The following MYO5A variants were observed in gnomAD, a reference collection of about 807,000 sequenced individuals.
MYO5A encodes the protein myosin VA.
In MYO5A, 98 loss-of-function variants were observed where a neutral mutation model predicts 249.7. The observed-to-expected ratio is 0.39, with a 90% confidence interval of 0.33 to 0.46. The LOEUF (loss-of-function observed/expected upper bound fraction) is 0.46. MYO5A is among the 20% of genes least tolerant of loss of function. MYO5A has a pLI of 0.98. For missense variants in MYO5A, 1,696 were observed against 2,308.8 expected, an observed-to-expected ratio of 0.73 and a Z score of 5.44; for synonymous variants, 778 against 810.6, an observed-to-expected ratio of 0.96 and a Z score of 0.68.
Position 52,319,278 on chromosome 15 carries a change from T to G in MYO5A, c.5016A>C (p.Arg1672Ser). Residue 1672 changes from arginine to serine, a missense_variant, in exon 39 of 42, where the codon AGA (arginine) becomes AGC (serine). Transcript: ENST00000399233. The part of the protein sequence containing the change: ...GVSGVKPTGL[R>S]KRTSSIADEG... Reference sequence around the variant, plus strand: ...CATCGGCGATACTGGAGGTTCGCTTTCTCAACCCTGTGGGCTTCACCCCAG... The same window carrying G: ...CATCGGCGATACTGGAGGTTCGCTTGCTCAACCCTGTGGGCTTCACCCCAG... The G allele has an allele frequency of 6.2e-7, 1 of 1,614,210 alleles. No homozygotes were observed. Among genetic ancestry groups the G allele is most frequent in the East Asian group, 2.2e-5 (1 of 44,886 alleles).
In MYO5A at chr15:52,396,365, T is replaced by G. The variant is rs1467004512; in HGVS notation, c.1352A>C (p.Gln451Pro). Residue 451 changes from glutamine (Q) to proline (P), a missense_variant, in exon 11 of 42, where the codon CAG becomes CCG. Around this residue, in one of 5 missense-constraint regions of MYO5A, gnomAD observed 277 missense variants for 422.4 expected, o/e 0.66. Transcript: ENST00000399233. ...TTCATTTGCATAATTTATGCAAAACTGTTCAAAACTATTTATCTCAAATGT... is the reference window on the plus strand; with the variant it reads ...TTCATTTGCATAATTTATGCAAAACGGTTCAAAACTATTTATCTCAAATGT... ...FETFEINSFE[Q>P]FCINYANEKL... The G allele has an allele frequency of 6.4e-7, 1 of 1,570,672 alleles. No homozygotes were observed. The highest frequency in any genetic ancestry group is 8.7e-7 in the Non-Finnish European group (1 of 1,143,574).
At chr15:52,331,039 G>A (rs1249798699) in intron 34 of MYO5A, among the ~76,000 whole-genome samples, 4 of 152,186 alleles carry the variant, frequency 2.6e-5, no homozygotes, top group African/African-American at 7.2e-5. Flanking sequence ...GCTGGTAGAA[G>A]AGTGTTTCTT....
intron 4 of MYO5A, among the ~76,000 whole-genome samples, chr15:52,425,279 G>A (rs2075369487): frequency 6.6e-6 from 1 of 152,096 alleles, no homozygotes; most frequent in African/African-American, 2.4e-5. Context: ...TCTTTTCCTA[G>A]TCACAGGATC....
chr15:52,309,199 T>C lies in MYO5A; in HGVS notation c.*4497A>G, dbSNP rs953189853. 2.6e-5 allele frequency: 4 copies of C among 152,470 alleles called. No homozygotes were observed. Among genetic ancestry groups the C allele is most frequent in the East Asian group, 1.9e-4 (1 of 5,192 alleles). 9.4% of individuals were successfully genotyped at this position (152,470 alleles called of 1,614,324 possible). A position where few individuals can be genotyped will look rare whatever the true frequency, so the allele number is the denominator to read the frequency against. ...TCAGAGAGGCTTTTGCTGTTTCCTG[T>C]CTTTTTGGTTGAGACAACCTGCTAC... On this transcript the variant is annotated 3_prime_UTR_variant, in exon 42 of 42. Transcript: ENST00000399233.
intron 25 of MYO5A, 39 bp downstream of exon 25, chr15:52,359,929 C>T: frequency 7.1e-7 from 1 of 1,402,408 alleles, no homozygotes; most frequent in Non-Finnish European, 1.0e-6. Context: ...CAACAGCATG[C>T]TCATATCCTA....
chr15:52,356,800 C>CTTTTTTTTTTTTTTT (rs11316458), intron 25 of MYO5A, among the ~76,000 whole-genome samples: 1 of 105,822 alleles, frequency 9.4e-6, no homozygotes, highest in Non-Finnish European at 1.7e-5. Context: ...ATTTCTTTGA[C>CTTTTTTTTTTTTTTT]TTTTTTTTTT....
At chr15:52,315,425 T>C (rs962712275) in intron 40 of MYO5A, among the ~76,000 whole-genome samples, 1 of 152,058 alleles carries the variant, frequency 6.6e-6, no homozygotes, top group African/African-American at 2.4e-5. Context: ...ATGAAGTCTC[T>C]GTGCAGTGGC....
At chr15:52,433,398 C>T in intron 1 of MYO5A, 113 bp from the exon 2 acceptor site, 1 of 558,480 alleles carries the variant, frequency 1.8e-6, no homozygotes, top group African/African-American at 2.0e-5. Flanking sequence ...GAAATCTTGG[C>T]CAACATGAAA....
intron 1 of MYO5A, among the ~76,000 whole-genome samples, chr15:52,444,369 C>T (rs554626400): frequency 6.6e-6 from 1 of 152,116 alleles, no homozygotes; most frequent in Non-Finnish European, 1.5e-5. Flanking sequence ...GGGAAGCGAA[C>T]TATATAGGTT....
intron 29 of MYO5A, among the ~76,000 whole-genome samples, chr15:52,346,777 T>A (rs1024306592): frequency 5.3e-4 from 67 of 127,390 alleles, no homozygotes; most frequent in East Asian, 2.0e-3. Flanking sequence ...TGAAAAAAAA[T>A]ATATATATAT....
At chr15:52,481,771 T>C (rs1029768513) in intron 1 of MYO5A, among the ~76,000 whole-genome samples, 8 of 152,100 alleles carry the variant, frequency 5.3e-5, no homozygotes, top group African/African-American at 1.2e-4. Context: ...TAGCAAGAAA[T>C]GAGAGGCCAG....
intron 1 of MYO5A, among the ~76,000 whole-genome samples, chr15:52,457,666 G>A (rs1261155179): frequency 6.6e-6 from 1 of 152,130 alleles, no homozygotes; most frequent in African/African-American, 2.4e-5. Context: ...TGGTGGAAAT[G>A]TAAATTAGAA....
intron 1 of MYO5A, among the ~76,000 whole-genome samples, chr15:52,524,717 A>T (rs2141672912): frequency 1.3e-5 from 2 of 152,116 alleles, no homozygotes; most frequent in South Asian, 4.2e-4. Flanking sequence ...CTCTAGAAGA[A>T]ATTTAAAAAT....
intron 1 of MYO5A, among the ~76,000 whole-genome samples, chr15:52,498,511 T>C (rs2077088070): frequency 6.6e-6 from 1 of 152,176 alleles, no homozygotes; most frequent in African/African-American, 2.4e-5. Context: ...ATTAATTTGT[T>C]TGGTTAAAAA....
chr15:52,361,288 G>A (rs185694148), intron 24 of MYO5A, among the ~76,000 whole-genome samples: 2 of 152,232 alleles, frequency 1.3e-5, no homozygotes, highest in Non-Finnish European at 2.9e-5. Context: ...TGTAGGAATG[G>A]CATTTATTTA....
chr15:52,525,252 T>C (rs573401337), intron 1 of MYO5A, among the ~76,000 whole-genome samples: 1 of 152,218 alleles, frequency 6.6e-6, no homozygotes, highest in African/African-American at 2.4e-5. Context: ...AACCATTGAA[T>C]AGTACACTTT....
rs1475332159 is a variant in MYO5A at position 52,397,304 on chromosome 15, G to C, written c.1216C>G (p.His406Asp). The change falls in exon 10 of 42, where the codon CAC becomes GAC. Residue 406 changes from histidine (H) to aspartate (D), a missense_variant. His to Asp is a moderately conservative substitution (Grantham distance 81, BLOSUM62 -1). Around this residue, in one of 5 missense-constraint regions of MYO5A, gnomAD observed 185 missense variants for 204.8 expected, o/e 0.90. Coordinates refer to ENST00000399233, the MANE Select transcript of MYO5A (RefSeq NM_001382347.1). ...CAGTTAAAGAGCTTGGCATAGATGT[G>C]CTTGGCCAAAGCATCGCGGGCATTC... ...ATNARDALAK[H>D]IYAKLFNWIV... The C allele has an allele frequency of 6.2e-7, 1 of 1,614,122 alleles. No homozygotes were observed.
At position 52,360,046 on chromosome 15, in the gene MYO5A, G is replaced by C. The variant is rs764221705; in HGVS notation, c.3345C>G (p.Ser1115=). ...ATTCAGACTCGTTGCTGCTGTGGGT[G>C]GAGTCTGTTCTCTTGTGTCCAGGCT... is the stretch of plus-strand genomic sequence containing the variant. ...VPKPGHKRTD[S]THSSNESEYI... Residue 1115 remains serine, a synonymous_variant, in exon 25 of 42, where the codon TCC becomes TCG. Transcript: ENST00000399233. 30 of 1,613,528 alleles carry C rather than the reference G, an allele frequency of 1.9e-5. No homozygotes were observed. Among genetic ancestry groups the C allele is most frequent in the Middle Eastern group, 1.6e-4 (1 of 6,084 alleles).
chr15:52,488,768 T>C (rs2076875405), intron 1 of MYO5A, among the ~76,000 whole-genome samples: 1 of 147,884 alleles, frequency 6.8e-6, no homozygotes, highest in South Asian at 2.2e-4. Context: ...TGTTTTACTC[T>C]TCTCCTTACT....
Sources: allele counts gnomAD v4.1 joint callset (sites outside exome capture counted in the v4.1 genomes callset), GRCh38; gene constraint gnomAD v4.1.1; regional missense constraint gnomAD v4.1.1; transcripts MANE v1.5; gene names NCBI Gene and HGNC (gene_info 2026-07-23, HGNC 2026-07-21).